The following TANC1 variants were observed in gnomAD, a reference collection of about 807,000 sequenced individuals.
TANC1 encodes the protein tetratricopeptide repeat, ankyrin repeat and coiled-coil containing 1.
Under a neutral mutation model 149.7 loss-of-function variants are expected in TANC1, and 77 were observed. The ratio of observed to expected loss-of-function variants is 0.51; its 90% CI spans 0.43 to 0.62. The LOEUF is 0.62. Among genes scored for constraint, TANC1 ranks in the 20% least tolerant of loss-of-function variants. The probability of loss-of-function intolerance (pLI) is 0.00; values close to 1 mark genes in which losing one functional copy is unlikely to be tolerated. For missense variants in TANC1, 1,985 were observed against 2,321.8 expected (o/e 0.85, Z 2.98); for synonymous variants, 854 against 925.0 (o/e 0.92, Z 1.39).
chr2:159,163,530 G>T lies in TANC1; in HGVS notation c.930G>T (p.Arg310=), dbSNP rs373918162. ...SQGSSSLIMP[R]PNSVAATSST... ...GCTCCAGCTCACTAATAATGCCACGGCCCAACTCAGTTGCAGGTAAGGCCA... is the reference window on the plus strand; with the variant it reads ...GCTCCAGCTCACTAATAATGCCACGTCCCAACTCAGTTGCAGGTAAGGCCA... Residue 310 remains arginine, a synonymous_variant, in exon 8 of 27, where the codon CGG becomes CGT. Transcript: ENST00000263635. 7 of 1,612,078 alleles carry T rather than the reference G, an allele frequency of 4.3e-6. No individual in the cohort carries two copies. Among genetic ancestry groups the T allele is most frequent in the Non-Finnish European group, 5.9e-6 (7 of 1,179,590 alleles).
intron 2 of TANC1, among the ~76,000 whole-genome samples, chr2:159,057,964 G>A (rs1375658007): frequency 6.6e-6 from 1 of 152,180 alleles, no homozygotes; most frequent in African/African-American, 2.4e-5. Context: ...GTGTTTTGCT[G>A]CTGTGGTAGG....
intron 2 of TANC1, among the ~76,000 whole-genome samples, chr2:159,018,200 C>T (rs2038467634): frequency 1.3e-5 from 2 of 152,132 alleles, no homozygotes; most frequent in African/African-American, 4.8e-5. Flanking sequence ...CTGCTCGAGA[C>T]AGGTATTAAA....
chr2:159,223,140 AGGT>A (rs1324773155), intron 22 of TANC1, among the ~76,000 whole-genome samples: 1 of 152,176 alleles, frequency 6.6e-6, no homozygotes, highest in African/African-American at 2.4e-5. Flanking sequence ...TCCTGACCTC[AGGT>A]GATTGCCTGC....
intron 22 of TANC1, among the ~76,000 whole-genome samples, chr2:159,220,514 G>A (rs983365956): frequency 5.3e-5 from 8 of 151,944 alleles, no homozygotes; most frequent in Non-Finnish European, 1.2e-4. Flanking sequence ...ATGTTGGCCA[G>A]GCTGGTCTTG....
At position 159,229,626 on chromosome 2, in the gene TANC1, T is replaced by C; in HGVS notation, c.4200T>C (p.Cys1400=). 6.2e-7 allele frequency: 1 copy of C among 1,613,804 alleles called. No individual in the cohort carries two copies. The highest frequency in any genetic ancestry group is 8.5e-7 in the Non-Finnish European group (1 of 1,179,914). Residue 1400 remains cysteine (C), a synonymous_variant, in exon 27 of 27, where the codon TGT becomes TGC. Coordinates refer to ENST00000263635, the MANE Select transcript of TANC1 (RefSeq NM_033394.3). ...ACCTGCAAGAGGCTGTGAAACTCTG[T>C]CCCACCAATCAGGAAGTCAAGAGGC... ...LADLQEAVKL[C]PTNQEVKRLL... is the part of the protein sequence containing the mutation.
At chr2:159,087,434 A>G (rs2045019607) in intron 3 of TANC1, among the ~76,000 whole-genome samples, 1 of 144,696 alleles carries the variant, frequency 6.9e-6, no homozygotes, top group East Asian at 2.0e-4. Context: ...TTTCTCCCTC[A>G]AGTTTTGTAG....
chr2:159,036,894 CA>C (rs2040235646), intron 2 of TANC1, among the ~76,000 whole-genome samples: 1 of 152,192 alleles, frequency 6.6e-6, no homozygotes, highest in Non-Finnish European at 1.5e-5. Flanking sequence ...ATGGCTGGGT[CA>C]AATGGTATTT....
intron 16 of TANC1, among the ~76,000 whole-genome samples, chr2:159,192,459 C>G (rs1447925744): frequency 2.6e-5 from 4 of 152,008 alleles, no homozygotes; most frequent in African/African-American, 9.7e-5. Context: ...ACAATTATTA[C>G]TTCATTACCA....
chr2:158,985,709 T>C (rs1239384594), intron 1 of TANC1, among the ~76,000 whole-genome samples: 1 of 152,094 alleles, frequency 6.6e-6, no homozygotes, highest in Non-Finnish European at 1.5e-5. Flanking sequence ...AGTGGCGTGA[T>C]CTCGGTTCAC....
intron 7 of TANC1, among the ~76,000 whole-genome samples, chr2:159,152,463 ATT>A (rs55894080): frequency 2.9e-4 from 34 of 118,098 alleles, no homozygotes; most frequent in Admixed American, 5.5e-4. Flanking sequence ...TTATAACCAA[ATT>A]TTTTTTTTTT....
At position 159,230,741 on chromosome 2, in the gene TANC1, T is replaced by A; in HGVS notation, c.5315T>A (p.Leu1772His). ...LQSANTEKPSLMQVGGYNNQA... is the reference protein window; with the variant it reads ...LQSANTEKPSHMQVGGYNNQA... ...TCTGCTAACACTGAGAAGCCCTCTC[T>A]CATGCAAGTGGGAGGATATAATAAC... is the stretch of plus-strand genomic sequence containing the variant. Residue 1772 changes from leucine (L) to histidine (H), a missense_variant, in exon 27 of 27, where the codon CTC (leucine) becomes CAC (histidine). By Grantham distance (99) the Leu-to-His change is moderately conservative. Around this residue, in one of 3 missense-constraint regions of TANC1, gnomAD observed 920 missense variants for 994.7 expected, o/e 0.92. Transcript: ENST00000263635. This position sits in a 1 kb window ranked among gnomAD's most constrained non-coding sequence, Gnocchi z 4.4. The A allele has an allele frequency of 6.2e-7, 1 of 1,614,182 alleles. No individual in the cohort carries two copies. Among genetic ancestry groups the A allele is most frequent in the Non-Finnish European group, 8.5e-7 (1 of 1,180,034 alleles).
chr2:159,171,052 T>C (rs998749910), intron 10 of TANC1, among the ~76,000 whole-genome samples: 2 of 131,566 alleles, frequency 1.5e-5, no homozygotes, highest in Non-Finnish European at 3.2e-5. Context: ...TTCCTTTAGA[T>C]ACAGGCAGAG....
At position 159,230,158 on chromosome 2, in the gene TANC1, A is replaced by C. The variant is rs771010231; in HGVS notation, c.4732A>C (p.Arg1578=). 15 of 1,614,100 alleles carry C rather than the reference A, an allele frequency of 9.3e-6. No homozygotes were observed. Among genetic ancestry groups the C allele is most frequent in the Non-Finnish European group, 1.1e-5 (13 of 1,180,016 alleles). ...AATCGCTGCCACTCCTGCTGGGAGC[A>C]GAACCCAGCATTTAGAGGGAACAGG... ...GRIAATPAGS[R]TQHLEGTGTF... The change falls in exon 27 of 27, where the codon AGA becomes CGA. Residue 1578 remains arginine (R), a synonymous_variant. Coordinates refer to ENST00000263635, the MANE Select transcript of TANC1 (RefSeq NM_033394.3). The surrounding 1 kb of genome is among the most constrained non-coding windows in gnomAD (Gnocchi z 4.4).
chr2:159,095,111 A>AT (rs1208571353), intron 3 of TANC1, among the ~76,000 whole-genome samples: 5 of 151,032 alleles, frequency 3.3e-5, no homozygotes, highest in Non-Finnish European at 5.9e-5. Flanking sequence ...ATGCCCAGCT[A>AT]TTTTTTTTGT....
chr2:159,118,385 T>C (rs949417755), intron 4 of TANC1, among the ~76,000 whole-genome samples: 4 of 152,218 alleles, frequency 2.6e-5, no homozygotes, highest in South Asian at 2.1e-4. Context: ...TTTGGAATTT[T>C]TCTGCATAGG....
chr2:159,136,708 TA>T (rs2050783903), intron 5 of TANC1, among the ~76,000 whole-genome samples: 1 of 145,090 alleles, frequency 6.9e-6, no homozygotes, highest in Admixed American at 7.1e-5. Context: ...TTGCTAGCTT[TA>T]AAAAAAGCAT....
chr2:159,065,418 C>A (rs2042576022), intron 2 of TANC1, among the ~76,000 whole-genome samples: 1 of 152,214 alleles, frequency 6.6e-6, no homozygotes, highest in African/African-American at 2.4e-5. Flanking sequence ...TGCCTCATTT[C>A]ATAACCTTCC....
chr2:159,226,109 G>C, intron 24 of TANC1: 1 of 332,822 alleles, frequency 3.0e-6, no homozygotes, highest in South Asian at 2.6e-5. Context: ...GGCAGAGGTT[G>C]CAGTGAGCTG....
At chr2:159,204,873 G>C (rs1417676044) in intron 19 of TANC1, among the ~76,000 whole-genome samples, 1 of 152,250 alleles carries the variant, frequency 6.6e-6, no homozygotes, top group Non-Finnish European at 1.5e-5. Flanking sequence ...GCTGTGAATT[G>C]AATGGGCTAT....
Sources: allele counts gnomAD v4.1 joint callset (sites outside exome capture counted in the v4.1 genomes callset), GRCh38; gene constraint gnomAD v4.1.1; regional missense constraint gnomAD v4.1.1; non-coding constraint Gnocchi (gnomAD v3.1); transcripts MANE v1.5; gene names NCBI Gene and HGNC (gene_info 2026-07-23, HGNC 2026-07-21).